The following LDB2 variants were observed in gnomAD, a reference collection of about 807,000 sequenced individuals.
LDB2 encodes the protein LIM domain binding 2, also known as LIM domain-binding protein 2.
In LDB2, 12 loss-of-function variants were observed where a neutral mutation model predicts 44.3. The observed-to-expected ratio is 0.27, with a 90% CI of 0.17 to 0.44. The LOEUF (loss-of-function observed/expected upper bound fraction) is 0.44, where lower values mean the gene tolerates loss of function less well. Among genes scored for constraint, LDB2 ranks in the 20% least tolerant of loss-of-function variants. The pLI, the probability that LDB2 is intolerant of heterozygous loss-of-function variation, is 1.00. For missense variants in LDB2, 344 were observed against 473.5 expected (o/e 0.73, Z 2.54); for synonymous variants, 164 against 174.8 (o/e 0.94, Z 0.49).
At chr4:16,509,986 G>A (rs954811271) in intron 6 of LDB2, among the ~76,000 whole-genome samples, 7 of 152,094 alleles carry the variant, frequency 4.6e-5, no homozygotes, top group African/African-American at 1.2e-4. Context: ...GTGGTGATAC[G>A]CACCAGGGGT....
At chr4:16,519,378 A>G (rs1220115665) in intron 5 of LDB2, among the ~76,000 whole-genome samples, 2 of 151,546 alleles carry the variant, frequency 1.3e-5, no homozygotes, top group Non-Finnish European at 2.9e-5. Context: ...CAGTACAGCT[A>G]TTTGAAGGGC....
intron 3 of LDB2, among the ~76,000 whole-genome samples, chr4:16,592,990 G>T (rs903452002): frequency 6.6e-6 from 1 of 151,978 alleles, no homozygotes; most frequent in Non-Finnish European, 1.5e-5. Context: ...TAAAAGAAAG[G>T]CTTTATAATG....
chr4:16,844,031 C>T (rs1438163421), intron 1 of LDB2, among the ~76,000 whole-genome samples: 4 of 146,754 alleles, frequency 2.7e-5, no homozygotes, highest in East Asian at 2.0e-4. Context: ...AATGGGAGGA[C>T]GGGTTGAGCC....
At chr4:16,563,981 G>A (rs1329230688) in intron 5 of LDB2, among the ~76,000 whole-genome samples, 1 of 152,152 alleles carries the variant, frequency 6.6e-6, no homozygotes, top group East Asian at 1.9e-4. Flanking sequence ...CAATTACAGT[G>A]ATTGTCCAAT....
At chr4:16,781,859 C>T (rs907875469) in intron 1 of LDB2, among the ~76,000 whole-genome samples, 6 of 152,164 alleles carry the variant, frequency 3.9e-5, no homozygotes, top group Non-Finnish European at 2.9e-5. Flanking sequence ...CCCCCAAGCC[C>T]ACCATGTAAA....
intron 2 of LDB2, among the ~76,000 whole-genome samples, chr4:16,620,441 C>T (rs77846652): frequency 0.013 from 1,943 of 152,096 alleles, 18 homozygotes; most frequent in South Asian, 0.026. Context: ...CATGAAGAAC[C>T]CAGCCAGGAA....
At chr4:16,815,105 A>G (rs764836741) in intron 1 of LDB2, among the ~76,000 whole-genome samples, 13 of 152,240 alleles carry the variant, frequency 8.5e-5, no homozygotes, top group Admixed American at 2.6e-4. Context: ...ACTTTAATAA[A>G]CATTTTTAAT....
At chr4:16,753,645 G>A (rs532966754) in intron 2 of LDB2, among the ~76,000 whole-genome samples, 1 of 152,146 alleles carries the variant, frequency 6.6e-6, no homozygotes, top group Non-Finnish European at 1.5e-5. Flanking sequence ...AGAGCGAAAT[G>A]TCCCTCCAGC....
rs115456004 is a variant in LDB2 at position 16,851,580 on chromosome 4, C to T, written c.132+46774G>A. ...CTGCACTCCAGTCTGGGTGAAACAG[C>T]GAGACTCTTGTCTCCAAAAAAAAAA... is the stretch of plus-strand genomic sequence containing the variant. On this transcript the variant is annotated intron_variant, in intron 1 of 7. Coordinates refer to ENST00000304523, the MANE Select transcript of LDB2 (RefSeq NM_001290.5). Among the ~76,000 whole-genome samples the T allele has an allele frequency of 7.9e-3, 1,177 of 149,254 alleles. 13 individuals are homozygous for T. Among genetic ancestry groups the T allele is most frequent in the African/African-American group, 0.028 (1,117 of 40,472 alleles).
Position 16,763,073 on chromosome 4 carries a change from C to CCACACACACA in LDB2, c.133-3823_133-3814dup, listed in dbSNP as rs57168902. On this transcript the variant is annotated intron_variant, in intron 1 of 7. Transcript: ENST00000304523. Reference sequence around the variant, plus strand: ...GGGAGAATGGGCACATTAGGTAACACCACACACACACACACACACACACAC... The same window carrying CCACACACACA: ...GGGAGAATGGGCACATTAGGTAACACCACACACACACACACACACACACACACACACACAC... 3.4e-4 allele frequency among the ~76,000 whole-genome samples: 48 copies of CCACACACACA among 140,232 alleles called. No individual in the cohort carries two copies. In the East Asian group the frequency reaches 7.0e-3, roughly 20 times the overall value. The allele number at this position is 140,232 out of a possible 152,430, so 92.0% of individuals were successfully genotyped here. A position where few individuals can be genotyped will look rare whatever the true frequency, so the allele number is the denominator to read the frequency against.
At chr4:16,524,949 G>A (rs562374734) in intron 5 of LDB2, among the ~76,000 whole-genome samples, 2 of 152,196 alleles carry the variant, frequency 1.3e-5, no homozygotes, top group East Asian at 1.9e-4. Flanking sequence ...AGGTACTTAC[G>A]GTAAGGTAAT....
chr4:16,856,742 C>T (rs1386132579), intron 1 of LDB2, among the ~76,000 whole-genome samples: 1 of 152,162 alleles, frequency 6.6e-6, no homozygotes, highest in Non-Finnish European at 1.5e-5. Context: ...ATCATTACTA[C>T]CAATTTAATC....
chr4:16,708,684 A>G (rs781067386), intron 2 of LDB2, among the ~76,000 whole-genome samples: 2 of 152,102 alleles, frequency 1.3e-5, no homozygotes, highest in Non-Finnish European at 2.9e-5. Flanking sequence ...CACAACTTAG[A>G]GTCAAAAGGA....
chr4:16,535,562 G>T (rs567979444), intron 5 of LDB2, among the ~76,000 whole-genome samples: 1 of 152,166 alleles, frequency 6.6e-6, no homozygotes, highest in South Asian at 2.1e-4. Flanking sequence ...CACGGGCTGC[G>T]GAATACACCA....
chr4:16,667,423 T>G (rs762308314), intron 2 of LDB2, among the ~76,000 whole-genome samples: 5 of 152,202 alleles, frequency 3.3e-5, no homozygotes, highest in Non-Finnish European at 7.3e-5. Flanking sequence ...ATTTTAGGGC[T>G]GAGGAAACTG....
At chr4:16,569,444 T>C (rs1462974559) in intron 5 of LDB2, among the ~76,000 whole-genome samples, 1 of 152,144 alleles carries the variant, frequency 6.6e-6, no homozygotes, top group Non-Finnish European at 1.5e-5. Flanking sequence ...CAAGAACAAA[T>C]TTTAAGGAGA....
chr4:16,644,358 G>A (rs1036243769), intron 2 of LDB2, among the ~76,000 whole-genome samples: 2 of 151,990 alleles, frequency 1.3e-5, no homozygotes, highest in East Asian at 1.9e-4. Context: ...CCCTAAATCC[G>A]GTAACATGTC....
intron 1 of LDB2, among the ~76,000 whole-genome samples, chr4:16,874,903 A>G (rs922556523): frequency 6.6e-6 from 1 of 152,208 alleles, no homozygotes; most frequent in African/African-American, 2.4e-5. Context: ...AATTGGTCCA[A>G]TTATGTTTTT....
At chr4:16,559,125 G>A (rs1741006691) in intron 5 of LDB2, among the ~76,000 whole-genome samples, 1 of 152,166 alleles carries the variant, frequency 6.6e-6, no homozygotes, top group Admixed American at 6.5e-5. Flanking sequence ...AAATTGTAAA[G>A]ACCATCAAGG....
Sources: gnomAD v4.1 joint callset for allele counts (sites outside exome capture counted in the v4.1 genomes callset) on GRCh38, gnomAD v4.1.1 for gene constraint, MANE v1.5 for transcripts, NCBI Gene and HGNC (gene_info 2026-07-23, HGNC 2026-07-21) for gene names.